ZNF292: variants seen among roughly 807,000 people sequenced by gnomAD.
ZNF292 encodes the protein 16 zinc-finger domain protein.
ZNF292 carries 26 observed loss-of-function variants against 217.9 expected under a neutral mutation model. The observed-to-expected ratio is 0.12, with a 90% CI of 0.09 to 0.17. ZNF292 has a LOEUF of 0.17. ZNF292 is among the 10% of genes least tolerant of loss of function. The probability of loss-of-function intolerance (pLI) is 1.00; values close to 1 mark genes in which losing one functional copy is unlikely to be tolerated. For missense variants in ZNF292, 2,904 were observed against 3,175.2 expected (o/e 0.91, Z 2.05); for synonymous variants, 1,257 against 1,124.1 (o/e 1.12, Z -2.37).
At chr6:87,179,566 A>C (rs6454591) in intron 1 of ZNF292, among the ~76,000 whole-genome samples, 95,228 of 151,964 alleles carry the variant, frequency 0.63, 31,324 homozygotes, top group African/African-American at 0.83. Flanking sequence ...ACCTTACCAG[A>C]AAACATTTGA....
chr6:87,190,985 C>G (rs552862495), intron 1 of ZNF292, among the ~76,000 whole-genome samples: 9 of 152,208 alleles, frequency 5.9e-5, no homozygotes, highest in African/African-American at 2.2e-4. Flanking sequence ...AGACATTTTC[C>G]TATGCATTCA....
Position 87,260,694 on chromosome 6 carries a change from G to C in ZNF292, c.7065G>C (p.Lys2355Asn). 6.2e-7 allele frequency: 1 copy of C among 1,613,148 alleles called. No individual in the cohort carries two copies. Among genetic ancestry groups the C allele is most frequent in the Non-Finnish European group, 8.5e-7 (1 of 1,179,584 alleles). Residue 2355 changes from lysine (K) to asparagine (N), a missense_variant, in exon 8 of 8, where the codon AAG becomes AAC. Physicochemically the swap from Lys to Asn is moderately conservative, Grantham distance 94. Coordinates refer to ENST00000369577, the MANE Select transcript of ZNF292 (RefSeq NM_015021.3). ...NAKIVQIEENKPYSLKRGKHV... is the reference protein window; with the variant it reads ...NAKIVQIEENNPYSLKRGKHV... Reference sequence around the variant, plus strand: ...AGATTGTGCAGATTGAAGAAAATAAGCCTTATTCTCTGAAACGTGGGAAGC... The same window carrying C: ...AGATTGTGCAGATTGAAGAAAATAACCCTTATTCTCTGAAACGTGGGAAGC...
chr6:87,228,744 A>G (rs956524535), intron 4 of ZNF292, among the ~76,000 whole-genome samples: 2 of 152,088 alleles, frequency 1.3e-5, no homozygotes, highest in Admixed American at 6.5e-5. Flanking sequence ...ACCATATATG[A>G]TAGGGTTTAT....
At chr6:87,174,880 A>G (rs1771231547) in intron 1 of ZNF292, among the ~76,000 whole-genome samples, 1 of 152,218 alleles carries the variant, frequency 6.6e-6, no homozygotes, top group Non-Finnish European at 1.5e-5. Flanking sequence ...TAATGTTTCT[A>G]AAAATTTATT....
chr6:87,156,941 T>C (rs1232778854), intron 1 of ZNF292, among the ~76,000 whole-genome samples: 1 of 152,232 alleles, frequency 6.6e-6, no homozygotes, highest in Non-Finnish European at 1.5e-5. Flanking sequence ...ACAGGTCATA[T>C]TTAGAGTTAA....
chr6:87,155,701 G>A lies in ZNF292; in HGVS notation c.110G>A (p.Arg37Gln), dbSNP rs1770502642. ...ERLQELELQLRESRVPAVEAA... is the reference protein window; with the variant it reads ...ERLQELELQLQESRVPAVEAA... ...CTCCAGGAGCTGGAGCTACAGCTGC[G>A]GGAGAGCCGGGTACCGGCCGTGGAA... is the stretch of plus-strand genomic sequence containing the variant. Residue 37 changes from arginine (R) to glutamine (Q), a missense_variant, in exon 1 of 8, where the codon CGG becomes CAG. Arg to Gln is a conservative substitution (Grantham distance 43, BLOSUM62 1). This residue lies in a region of ZNF292 where 313 missense variants were observed against 451.0 expected (regional missense o/e 0.69). Transcript: ENST00000369577. 1.3e-6 allele frequency: 2 copies of A among 1,595,380 alleles called. No homozygotes were observed. Among genetic ancestry groups the A allele is most frequent in the Admixed American group, 1.7e-5 (1 of 57,640 alleles).
intron 4 of ZNF292, among the ~76,000 whole-genome samples, chr6:87,229,671 C>T (rs1001880007): frequency 2.6e-5 from 4 of 152,168 alleles, no homozygotes; most frequent in African/African-American, 9.7e-5. Flanking sequence ...GGTGATCCAC[C>T]TGCCTTGGCC....
At position 87,256,679 on chromosome 6, in the gene ZNF292, C is replaced by T; in HGVS notation, c.3050C>T (p.Thr1017Ile). 1.2e-6 allele frequency: 2 copies of T among 1,613,348 alleles called. No homozygotes were observed. ...NSETLKIGDL[T>I]PQNLERQVNN... is the part of the protein sequence containing the mutation. ...GAAACTCTCAAAATAGGTGACCTTA[C>T]CCCACAAAACTTAGAAAGACAAGTG... The change falls in exon 8 of 8, where the codon ACC becomes ATC. Residue 1017 changes from threonine to isoleucine, a missense_variant. Thr to Ile is a moderately conservative substitution (Grantham distance 89). Coordinates refer to ENST00000369577, the MANE Select transcript of ZNF292 (RefSeq NM_015021.3).
intron 4 of ZNF292, chr6:87,223,730 C>A (rs1350825617): frequency 6.6e-6 from 1 of 152,136 alleles, no homozygotes; most frequent in African/African-American, 2.4e-5. Flanking sequence ...GCAGCTCTTT[C>A]CTTTGACTCT....
chr6:87,252,064 A>T (rs1774946196), intron 7 of ZNF292, among the ~76,000 whole-genome samples: 1 of 152,136 alleles, frequency 6.6e-6, no homozygotes, highest in African/African-American at 2.4e-5. Context: ...TATGATATAA[A>T]ATAGTTATAT....
intron 1 of ZNF292, among the ~76,000 whole-genome samples, chr6:87,165,189 C>G (rs972948524): frequency 1.3e-5 from 2 of 152,130 alleles, no homozygotes; most frequent in Non-Finnish European, 2.9e-5. Flanking sequence ...CCAATGAACT[C>G]GCTTTTAACA....
intron 1 of ZNF292, among the ~76,000 whole-genome samples, chr6:87,162,295 T>C (rs1055813452): frequency 9.2e-5 from 14 of 152,208 alleles, no homozygotes; most frequent in Admixed American, 8.5e-4. Context: ...ATTTAGGACA[T>C]TTCTTTGTAT....
In ZNF292 at chr6:87,225,714, C is replaced by T. The variant is rs138861046; in HGVS notation, c.538+6983C>T. Among the ~76,000 whole-genome samples, 1,445 of 152,200 alleles carry T rather than the reference C, an allele frequency of 9.5e-3. 19 individuals carry two copies. Among genetic ancestry groups the T allele is most frequent in the African/African-American group, 0.033 (1,356 of 41,520 alleles). On this transcript the variant is annotated intron_variant, in intron 4 of 7. Coordinates refer to ENST00000369577, the MANE Select transcript of ZNF292 (RefSeq NM_015021.3). Reference sequence around the variant, plus strand: ...GTTTTGCAAGAAGTACCATCAGCCCCGTTTTGAAAATTACATTTTGCCATC... The same window carrying T: ...GTTTTGCAAGAAGTACCATCAGCCCTGTTTTGAAAATTACATTTTGCCATC...
At chr6:87,216,108 G>GACACAC (rs57115253) in intron 2 of ZNF292, 51 bp downstream of exon 2, 82 of 516,020 alleles carry the variant, frequency 1.6e-4, no homozygotes, top group Middle Eastern at 4.1e-4. Context: ...AAAATACATA[G>GACACAC]ACACACACAC....
chr6:87,232,733 GGCGAAGTTTTATCCTT>G (rs1562159650), intron 4 of ZNF292, among the ~76,000 whole-genome samples: 1,434 of 27,284 alleles, frequency 0.053, 19 homozygotes, highest in African/African-American at 0.35. Flanking sequence ...TTTATCCTTT[GGCGAAGTTTTATCCTT>G]TGGCAAACTT....
At chr6:87,252,646 CT>C (rs1257842906) in intron 7 of ZNF292, among the ~76,000 whole-genome samples, 1 of 152,114 alleles carries the variant, frequency 6.6e-6, no homozygotes, top group Non-Finnish European at 1.5e-5. Context: ...TTCTTTGTGT[CT>C]TTCTGTGTGT....
chr6:87,160,343 A>G (rs1770691037), intron 1 of ZNF292, among the ~76,000 whole-genome samples: 1 of 152,240 alleles, frequency 6.6e-6, no homozygotes, highest in African/African-American at 2.4e-5. Flanking sequence ...ATTTGCTGAC[A>G]GCACTATATA....
At chr6:87,251,824 A>G (rs1440377049) in intron 7 of ZNF292, among the ~76,000 whole-genome samples, 1 of 152,212 alleles carries the variant, frequency 6.6e-6, no homozygotes, top group Non-Finnish European at 1.5e-5. Flanking sequence ...ATTGTCATTA[A>G]TGTAAAGGTT....
intron 1 of ZNF292, among the ~76,000 whole-genome samples, chr6:87,162,010 A>G (rs544235897): frequency 6.6e-6 from 1 of 152,296 alleles, no homozygotes; most frequent in African/African-American, 2.4e-5. Context: ...TTTCCCTATT[A>G]TAGTATATAG....
Sources: gnomAD v4.1 joint callset for allele counts (sites outside exome capture counted in the v4.1 genomes callset) on GRCh38, gnomAD v4.1.1 for gene constraint, gnomAD v4.1.1 regional missense constraint, MANE v1.5 for transcripts, NCBI Gene and HGNC (gene_info 2026-07-23, HGNC 2026-07-21) for gene names.